The following NIPBL variants were observed in gnomAD, a reference collection of about 807,000 sequenced individuals.
The protein encoded by NIPBL is nipped-B-like protein.
Under a neutral mutation model 321.8 loss-of-function variants are expected in NIPBL, and 19 were observed. The observed-to-expected ratio is 0.06, with a 90% confidence interval of 0.04 to 0.09. NIPBL has a LOEUF of 0.09. NIPBL is among the 10% of genes least tolerant of loss of function. The pLI is 1.00. For synonymous variants in NIPBL, 1,106 were observed against 1,114.1 expected (o/e 0.99, Z 0.14); for missense variants, 2,210 against 3,327.0 (o/e 0.66, Z 8.26).
At chr5:37,028,052 G>A (rs1277975384) in intron 32 of NIPBL, among the ~76,000 whole-genome samples, 1 of 151,718 alleles carries the variant, frequency 6.6e-6, no homozygotes, top group Non-Finnish European at 1.5e-5. Flanking sequence ...TCAATATATT[G>A]CATTAAAAAT....
intron 32 of NIPBL, among the ~76,000 whole-genome samples, chr5:37,028,708 T>A (rs1750609718): frequency 6.6e-6 from 1 of 152,226 alleles, no homozygotes; most frequent in Non-Finnish European, 1.5e-5. Context: ...CATCTATCTA[T>A]CTGTAGCAGA....
chr5:36,916,963 G>A (rs553585057), intron 1 of NIPBL, among the ~76,000 whole-genome samples: 3 of 151,948 alleles, frequency 2.0e-5, no homozygotes, highest in African/African-American at 7.2e-5. Context: ...ATAAACATAC[G>A]TGTGCATGTG....
intron 9 of NIPBL, among the ~76,000 whole-genome samples, chr5:36,981,047 A>C (rs1744077314): frequency 6.6e-6 from 1 of 151,706 alleles, no homozygotes; most frequent in South Asian, 2.1e-4. Flanking sequence ...CCCAGTTACC[A>C]TTATTTTTAC....
chr5:37,017,203 G>T, intron 24 of NIPBL, 41 bp downstream of exon 24: 1 of 1,544,002 alleles, frequency 6.5e-7, no homozygotes, highest in East Asian at 2.3e-5. Context: ...ATGAATAATA[G>T]TTATTTTCTT....
intron 34 of NIPBL, among the ~76,000 whole-genome samples, chr5:37,043,469 G>T (rs1461903217): frequency 2.0e-5 from 3 of 151,844 alleles, no homozygotes; most frequent in African/African-American, 7.3e-5. Flanking sequence ...AGAGGTTGCA[G>T]TGAGCCAAGA....
Position 37,000,544 on chromosome 5 carries a change from A to G in NIPBL, c.3476A>G (p.Tyr1159Cys). 1 of 1,613,328 alleles carries G rather than the reference A, an allele frequency of 6.2e-7. No homozygotes were observed. Among genetic ancestry groups the G allele is most frequent in the Non-Finnish European group, 8.5e-7 (1 of 1,179,458 alleles). ...RSPSDSDMED[Y>C]SPPPSLSEVA... ...CCGTCAGATTCTGACATGGAAGATT[A>G]TTCTCCTCCTCCCAGCCTTAGTGAG... Residue 1159 changes from tyrosine (Y) to cysteine (C), a missense_variant, in exon 12 of 47, where the codon TAT becomes TGT. By Grantham distance (194) the Tyr-to-Cys change is radical. Coordinates refer to ENST00000282516, the MANE Select transcript of NIPBL (RefSeq NM_133433.4).
chr5:36,991,934 G>A (rs1040488644), intron 10 of NIPBL, among the ~76,000 whole-genome samples: 1 of 151,956 alleles, frequency 6.6e-6, no homozygotes, highest in Non-Finnish European at 1.5e-5. Context: ...AGAACACATT[G>A]TTAGTTATCA....
intron 21 of NIPBL, among the ~76,000 whole-genome samples, chr5:37,013,173 A>AC (rs1411834061): frequency 4.4e-5 from 5 of 113,922 alleles, no homozygotes; most frequent in South Asian, 6.2e-4. Context: ...CGGGGGGCTG[A>AC]CCCCCCCACC....
intron 9 of NIPBL, among the ~76,000 whole-genome samples, chr5:36,982,750 A>G (rs1056254157): frequency 6.6e-6 from 1 of 151,738 alleles, no homozygotes; most frequent in Non-Finnish European, 1.5e-5. Context: ...GTATTTTGTA[A>G]TCCTTTAAAA....
At chr5:36,909,184 G>GA (rs1199937566) in intron 1 of NIPBL, among the ~76,000 whole-genome samples, 7 of 152,134 alleles carry the variant, frequency 4.6e-5, no homozygotes, top group Non-Finnish European at 8.8e-5. Context: ...TTGAGTACTA[G>GA]AAACACCCTC....
chr5:36,956,037 T>C (rs1740899748), intron 3 of NIPBL, among the ~76,000 whole-genome samples: 1 of 148,048 alleles, frequency 6.8e-6, no homozygotes, highest in African/African-American at 2.5e-5. Flanking sequence ...CTGGCCAACA[T>C]GGTGAAACCC....
chr5:37,013,935 C>T (rs1309485831), intron 21 of NIPBL, among the ~76,000 whole-genome samples: 3 of 152,212 alleles, frequency 2.0e-5, no homozygotes, highest in Non-Finnish European at 2.9e-5. Flanking sequence ...ACTGAGTGAA[C>T]GAGACTCCGT....
At chr5:36,975,468 T>G (rs1052250870) in intron 8 of NIPBL, among the ~76,000 whole-genome samples, 2 of 152,098 alleles carry the variant, frequency 1.3e-5, no homozygotes, top group Non-Finnish European at 2.9e-5. Flanking sequence ...CAATGAACTT[T>G]TTACCCCTAT....
At position 36,976,029 on chromosome 5, in the gene NIPBL, G is replaced by C; in HGVS notation, c.1122G>C (p.Glu374Asp). 6.2e-7 allele frequency: 1 copy of C among 1,614,010 alleles called. No homozygotes were observed. The highest frequency in any genetic ancestry group is 1.1e-5 in the South Asian group (1 of 91,066). Reference sequence around the variant, plus strand: ...GGTCTTCAGACATGGACCAGCAAGAGGATATGATTTCTGGTGTGGAAAATA... The same window carrying C: ...GGTCTTCAGACATGGACCAGCAAGACGATATGATTTCTGGTGTGGAAAATA... Reference protein sequence around the residue: ...RVRSSDMDQQEDMISGVENSN... With the variant: ...RVRSSDMDQQDDMISGVENSN... The change falls in exon 9 of 47, where the codon GAG (glutamate) becomes GAC (aspartate). Residue 374 changes from glutamate (E) to aspartate (D), a missense_variant. By Grantham distance (45) the Glu-to-Asp change is conservative. Around this residue, in one of 14 missense-constraint regions of NIPBL, gnomAD observed 464 missense variants for 529.5 expected, o/e 0.88. Coordinates refer to ENST00000282516, the MANE Select transcript of NIPBL (RefSeq NM_133433.4).
At chr5:37,025,456 TA>T (rs1176433512) in intron 30 of NIPBL, among the ~76,000 whole-genome samples, 5 of 152,090 alleles carry the variant, frequency 3.3e-5, no homozygotes, top group African/African-American at 1.2e-4. Flanking sequence ...CGTGGAAGCT[TA>T]AAAAAAATTT....
At chr5:36,935,066 G>C in intron 1 of NIPBL, among the ~76,000 whole-genome samples, 1 of 152,028 alleles carries the variant, frequency 6.6e-6, no homozygotes. Context: ...AATACCTTCA[G>C]TTCCTTCGCT....
At chr5:37,043,256 G>A (rs570047852) in intron 34 of NIPBL, among the ~76,000 whole-genome samples, 6 of 151,920 alleles carry the variant, frequency 3.9e-5, no homozygotes, top group Admixed American at 2.6e-4. Context: ...AAGGCCGGAC[G>A]CAGTTTCTCA....
At chr5:36,978,233 A>G (rs1206469516) in intron 9 of NIPBL, among the ~76,000 whole-genome samples, 2 of 151,982 alleles carry the variant, frequency 1.3e-5, no homozygotes, top group African/African-American at 4.8e-5. Flanking sequence ...ACAGTGTGTA[A>G]GTGTTCCCTT....
In NIPBL at chr5:37,059,094, T is replaced by C. The variant is rs979230263; in HGVS notation, c.7614T>C (p.Asn2538=). 6.2e-7 allele frequency: 1 copy of C among 1,614,190 alleles called. No homozygotes were observed. Among genetic ancestry groups the C allele is most frequent in the Non-Finnish European group, 8.5e-7 (1 of 1,179,998 alleles). The change falls in exon 44 of 47, where the codon AAT becomes AAC. Residue 2538 remains asparagine (N), a synonymous_variant. Coordinates refer to ENST00000282516, the MANE Select transcript of NIPBL (RefSeq NM_133433.4). The part of the protein sequence containing the change: ...ENSAPLIEFA[N]VSQGILLLLM... ...CAGCTCCTTTAATCGAATTTGCAAA[T>C]GTGTCCCAGGGTATTTTATTACTTC... is the stretch of plus-strand genomic sequence containing the variant.
Sources: gnomAD v4.1 joint callset for allele counts (sites outside exome capture counted in the v4.1 genomes callset) on GRCh38, gnomAD v4.1.1 for gene constraint, gnomAD v4.1.1 regional missense constraint, MANE v1.5 for transcripts, NCBI Gene and HGNC (gene_info 2026-07-23, HGNC 2026-07-21) for gene names.